TCF20: variants seen among roughly 807,000 people sequenced by gnomAD.
TCF20 encodes transcription factor 20.
Under a neutral mutation model 148.6 loss-of-function variants are expected in TCF20, and 3 were observed. The observed-to-expected ratio is 0.02, with a 90% confidence interval of 0.01 to 0.05. The LOEUF (loss-of-function observed/expected upper bound fraction) is 0.05. Ranked by LOEUF, TCF20 falls within the 10% of genes least tolerant of loss-of-function variation. The pLI is 1.00. For missense variants in TCF20, 2,350 were observed against 2,429.3 expected (o/e 0.97, Z 0.69); for synonymous variants, 1,049 against 909.5 (o/e 1.15, Z -2.76).
intron 1 of TCF20, among the ~76,000 whole-genome samples, chr22:42,315,049 A>C (rs7286736): frequency 0.55 from 84,124 of 151,760 alleles, 23,951 homozygotes; most frequent in African/African-American, 0.68. Context: ...CTGATGACAC[A>C]AAGCCAGTTT....
chr22:42,305,205 CAAGGCTGCTGGT>C (rs1194216214), intron 1 of TCF20, among the ~76,000 whole-genome samples: 1 of 152,126 alleles, frequency 6.6e-6, no homozygotes, highest in African/African-American at 2.4e-5. Context: ...TCCTGGCCCC[CAAGGCTGCTGGT>C]AAGAATCAGT....
At chr22:42,179,469 G>A (rs1936648963) in intron 3 of TCF20, 140 bp downstream of exon 3, 2 of 580,114 alleles carry the variant, frequency 3.4e-6, no homozygotes, top group South Asian at 5.0e-5. Context: ...CTAATGGGTG[G>A]GAAGTTTTTT....
intron 3 of TCF20, among the ~76,000 whole-genome samples, chr22:42,179,293 AAC>A (rs1936631117): frequency 6.6e-6 from 1 of 152,058 alleles, no homozygotes; most frequent in Non-Finnish European, 1.5e-5. Flanking sequence ...CATTATTCAT[AAC>A]AGTCAAAAAG....
intron 5 of TCF20, among the ~76,000 whole-genome samples, chr22:42,162,021 C>T (rs1401820279): frequency 8.9e-6 from 1 of 111,750 alleles, no homozygotes; most frequent in Admixed American, 1.3e-4. Flanking sequence ...TGCTCTATTG[C>T]CCAGACTGGA....
At chr22:42,294,989 C>T (rs1056720084) in intron 1 of TCF20, among the ~76,000 whole-genome samples, 17 of 152,312 alleles carry the variant, frequency 1.1e-4, no homozygotes, top group South Asian at 2.1e-4. Context: ...GAAACCTACG[C>T]GCTGCCTAGA....
chr22:42,244,548 T>C (rs903793910), intron 1 of TCF20, among the ~76,000 whole-genome samples: 1 of 152,182 alleles, frequency 6.6e-6, no homozygotes, highest in African/African-American at 2.4e-5. Context: ...AAAGGTCACA[T>C]ATTGTACGAT....
At chr22:42,180,281 T>C (rs1397845615) in intron 2 of TCF20, among the ~76,000 whole-genome samples, 2 of 152,174 alleles carry the variant, frequency 1.3e-5, no homozygotes, top group Non-Finnish European at 2.9e-5. Flanking sequence ...TGTGTGCAAA[T>C]GGTATTTTTA....
intron 5 of TCF20, among the ~76,000 whole-genome samples, chr22:42,164,428 G>C (rs1421816504): frequency 6.6e-6 from 1 of 151,868 alleles, no homozygotes; most frequent in African/African-American, 2.4e-5. Flanking sequence ...TTGTATTTTT[G>C]TATTGTTAGC....
upstream of TCF20, among the ~76,000 whole-genome samples, chr22:42,287,808 G>C (rs1486357384): frequency 6.6e-6 from 1 of 151,892 alleles, no homozygotes; most frequent in Non-Finnish European, 1.5e-5. Context: ...AAGACAATTG[G>C]TCCAGCATCC....
rs555195750 is a variant in TCF20, at chr22:42,253,611, G to A, written c.-37+16728C>T. Reference sequence around the variant, plus strand: ...TATTTATATAAAAAGATTTATGCTGGAATGTTAAAATCTAATATTTTGATT... The same window carrying A: ...TATTTATATAAAAAGATTTATGCTGAAATGTTAAAATCTAATATTTTGATT... On this transcript the variant is annotated intron_variant, in intron 1 of 5. Coordinates refer to ENST00000677622, the MANE Select transcript of TCF20 (RefSeq NM_001378418.1). Among the ~76,000 whole-genome samples the A allele has an allele frequency of 3.9e-5, 6 of 152,242 alleles. No individual in the cohort carries two copies. The East Asian group carries it at 1.2e-3, about 29-fold the overall frequency.
In TCF20 at chr22:42,214,808, C is replaced by T. The variant is rs772588737; in HGVS notation, c.498G>A (p.Gln166=). The change falls in exon 2 of 6, where the codon CAG becomes CAA. Residue 166 remains glutamine, a synonymous_variant. Coordinates refer to ENST00000677622, the MANE Select transcript of TCF20 (RefSeq NM_001378418.1). Reference sequence around the variant, plus strand: ...GCTGGCTGGAAGCCTGCTGTTGGTACTGAGCACTCCCTGGAGAGAAAGGCC... The same window carrying T: ...GCTGGCTGGAAGCCTGCTGTTGGTATTGAGCACTCCCTGGAGAGAAAGGCC... ...YTGPFSPGSA[Q]YQQQASSQQQ... 5.0e-6 allele frequency: 8 copies of T among 1,614,084 alleles called. No individual in the cohort carries two copies. Among genetic ancestry groups the T allele is most frequent in the Non-Finnish European group, 6.8e-6 (8 of 1,180,030 alleles).
chr22:42,213,174 T>C lies in TCF20; in HGVS notation c.2132A>G (p.Asp711Gly), dbSNP rs1921211445. ...TCGTGGCACGGCTGACCCGAAACTA[T>C]CTTTGTAACTATAGCGCAGACTTCC... ...SPGSLRYSYK[D>G]SFGSAVPRNV... The change falls in exon 2 of 6, where the codon GAT becomes GGT. Residue 711 changes from aspartate to glycine, a missense_variant. Physicochemically the swap from Asp to Gly is moderately conservative, Grantham distance 94 (BLOSUM62 -1). Coordinates refer to ENST00000677622, the MANE Select transcript of TCF20 (RefSeq NM_001378418.1). 1 of 1,614,182 alleles carries C rather than the reference T, an allele frequency of 6.2e-7. No homozygotes were observed. The highest frequency in any genetic ancestry group is 2.2e-5 in the East Asian group (1 of 44,892).
At chr22:42,204,761 C>T (rs533975709) in intron 2 of TCF20, among the ~76,000 whole-genome samples, 1 of 152,276 alleles carries the variant, frequency 6.6e-6, no homozygotes, top group Non-Finnish European at 1.5e-5. Context: ...AGGAGAGTCA[C>T]TTGAACCCAC....
At chr22:42,208,196 C>T (rs907622552) in intron 2 of TCF20, among the ~76,000 whole-genome samples, 18 of 151,762 alleles carry the variant, frequency 1.2e-4, no homozygotes, top group Middle Eastern at 3.2e-3. Context: ...ACAAAAAATA[C>T]GTTATAATGT....
In TCF20 at chr22:42,211,274, T is replaced by C. The variant is rs1285964247; in HGVS notation, c.4032A>G (p.Pro1344=). 1.9e-6 allele frequency: 3 copies of C among 1,613,946 alleles called. No individual in the cohort carries two copies. The highest frequency in any genetic ancestry group is 2.5e-6 in the Non-Finnish European group (3 of 1,180,002). The part of the protein sequence containing the change: ...TSPAKTKILP[P]RKGRGLKLEA... ...CCAATTTCAATCCCCGTCCTTTCCGTGGGGGCAGTATTTTGGTCTTAGCAG... is the reference window on the plus strand; with the variant it reads ...CCAATTTCAATCCCCGTCCTTTCCGCGGGGGCAGTATTTTGGTCTTAGCAG... The change falls in exon 2 of 6, where the codon CCA becomes CCG. Residue 1344 remains proline (P), a synonymous_variant. Transcript: ENST00000677622.
At chr22:42,284,768 C>T (rs933587864), upstream of TCF20, among the ~76,000 whole-genome samples, 12 of 152,204 alleles carry the variant, frequency 7.9e-5, no homozygotes, top group Admixed American at 7.2e-4. Flanking sequence ...CAGCAGCGTC[C>T]GTTCCGAGGG....
chr22:42,163,416 G>A (rs1054295691), intron 5 of TCF20, among the ~76,000 whole-genome samples: 8 of 152,234 alleles, frequency 5.3e-5, no homozygotes, highest in Non-Finnish European at 8.8e-5. Context: ...AATGTAATGG[G>A]ACCCTAACTT....
chr22:42,174,960 G>A (rs931830515), intron 3 of TCF20, among the ~76,000 whole-genome samples: 19 of 151,924 alleles, frequency 1.3e-4, no homozygotes, highest in Admixed American at 1.2e-3. Context: ...GCGTGAACCC[G>A]GGAGGCGGAG....
chr22:42,163,044 C>T (rs1366766058), intron 5 of TCF20, among the ~76,000 whole-genome samples: 1 of 152,170 alleles, frequency 6.6e-6, no homozygotes, highest in South Asian at 2.1e-4. Context: ...GCAGGATGCC[C>T]GTGTGAATCA....
Sources: gnomAD v4.1 joint callset for allele counts (sites outside exome capture counted in the v4.1 genomes callset) on GRCh38, gnomAD v4.1.1 for gene constraint, MANE v1.5 for transcripts, NCBI Gene and HGNC (gene_info 2026-07-23, HGNC 2026-07-21) for gene names.